The following ECT2L variants were observed in gnomAD, a reference collection of about 807,000 sequenced individuals.
ECT2L encodes epithelial cell transforming 2 like, also known as epithelial cell-transforming sequence 2 oncogene-like.
Under a neutral mutation model 122.8 loss-of-function variants are expected in ECT2L, and 126 were observed. The observed-to-expected ratio is 1.03, with a 90% confidence interval of 0.89 to 1.19. The LOEUF is 1.19. Among genes scored for constraint, ECT2L ranks in the 50% most tolerant of loss-of-function variants. The probability of loss-of-function intolerance (pLI) is 0.00; values close to 1 mark genes in which losing one functional copy is unlikely to be tolerated. For synonymous variants in ECT2L, 385 were observed against 381.8 expected (o/e 1.01, Z -0.10); for missense variants, 1,012 against 1,064.1 (o/e 0.95, Z 0.68).
chr6:138,827,747 C>T (rs575922065), intron 4 of ECT2L, among the ~76,000 whole-genome samples: 7 of 152,116 alleles, frequency 4.6e-5, no homozygotes, highest in East Asian at 3.9e-4. Context: ...TTAGTAGAGA[C>T]GGGGTTTCAC....
In ECT2L at chr6:138,838,368, T is replaced by C; in HGVS notation, c.196T>C (p.Phe66Leu). ...TCTTTTTAGGTTTGTCCAAGACTGG[T>C]TTTCAGAAAGGATGCAAGTGGCCAA... The part of the protein sequence containing the change: ...KSQLRFVQDW[F>L]SERMQVAKVD... The change falls in exon 5 of 22, where the codon TTT (phenylalanine) becomes CTT (leucine). Residue 66 changes from phenylalanine (F) to leucine (L), a missense_variant. Transcript: ENST00000541398. 6.2e-7 allele frequency: 1 copy of C among 1,604,256 alleles called. No individual in the cohort carries two copies. Among genetic ancestry groups the C allele is most frequent in the Admixed American group, 1.7e-5 (1 of 57,660 alleles).
intron 13 of ECT2L, among the ~76,000 whole-genome samples, chr6:138,871,377 T>C (rs1242543856): frequency 6.6e-6 from 1 of 152,200 alleles, no homozygotes; most frequent in African/African-American, 2.4e-5. Flanking sequence ...CCTGATATTC[T>C]GGAAGTATTT....
At chr6:138,846,178 A>C (rs1346972910) in intron 7 of ECT2L, among the ~76,000 whole-genome samples, 1 of 152,204 alleles carries the variant, frequency 6.6e-6, no homozygotes, top group African/African-American at 2.4e-5. Flanking sequence ...GACATTACTC[A>C]GGAACAACTG....
chr6:138,811,949 A>T (rs2128372691), intron 1 of ECT2L, among the ~76,000 whole-genome samples: 1 of 152,304 alleles, frequency 6.6e-6, no homozygotes, highest in East Asian at 1.9e-4. Context: ...TCAGCCTCCC[A>T]AAGTGCTGGG....
chr6:138,881,266 G>GCT, intron 15 of ECT2L, 95 bp downstream of exon 15: 1 of 1,237,888 alleles, frequency 8.1e-7, no homozygotes, highest in South Asian at 1.4e-5. Context: ...GTGCAATGAT[G>GCT]CTCTGACCCT....
intron 4 of ECT2L, among the ~76,000 whole-genome samples, chr6:138,827,907 T>C (rs1157852223): frequency 6.6e-6 from 1 of 150,928 alleles, no homozygotes; most frequent in Non-Finnish European, 1.5e-5. Context: ...TTTCTTACTT[T>C]AATATTCCAG....
intron 1 of ECT2L, among the ~76,000 whole-genome samples, chr6:138,797,964 TTTGA>T (rs1373682579): frequency 2.0e-5 from 3 of 152,190 alleles, no homozygotes; most frequent in African/African-American, 7.2e-5. Flanking sequence ...CCTCCTCCGG[TTTGA>T]TTAATTTGCT....
chr6:138,849,508 GAGGACTATCTC>G (rs1777356975), intron 9 of ECT2L, 74 bp downstream of exon 9: 2 of 1,445,978 alleles, frequency 1.4e-6, no homozygotes, highest in African/African-American at 1.4e-5. Flanking sequence ...GTGACTTCCG[GAGGACTATCTC>G]AGTTCCAAGT....
At chr6:138,870,164 T>G (rs533870512) in intron 13 of ECT2L, 2 of 152,778 alleles carry the variant, frequency 1.3e-5, no homozygotes, top group East Asian at 3.9e-4. Flanking sequence ...ATGGGCATTT[T>G]TCTTGCGGGG....
At chr6:138,871,007 G>A (rs1020387877) in intron 13 of ECT2L, among the ~76,000 whole-genome samples, 2 of 152,074 alleles carry the variant, frequency 1.3e-5, no homozygotes, top group African/African-American at 2.4e-5. Context: ...AGCCAAGATC[G>A]CACCACTTTA....
intron 13 of ECT2L, 146 bp downstream of exon 13, chr6:138,868,352 C>T (rs1778127208): frequency 1.6e-6 from 1 of 612,732 alleles, no homozygotes; most frequent in Non-Finnish European, 2.7e-6. Flanking sequence ...AAAATAGCCA[C>T]TAAGAGATTC....
At chr6:138,871,531 C>A (rs554186440) in intron 13 of ECT2L, among the ~76,000 whole-genome samples, 1 of 152,298 alleles carries the variant, frequency 6.6e-6, no homozygotes, top group East Asian at 1.9e-4. Context: ...CTTGGCCAGG[C>A]GCAGTGGCTC....
rs1016477029 is a variant in ECT2L at position 138,868,334 on chromosome 6, A to C, written c.1578+128A>C. On this transcript the variant is annotated intron_variant, in intron 13 of 21. Transcript: ENST00000541398. Reference sequence around the variant, plus strand: ...CACAGTTCCTCAGAGAAATTACATCAGTTTATAAAAATAGCCACTAAGAGA... The same window carrying C: ...CACAGTTCCTCAGAGAAATTACATCCGTTTATAAAAATAGCCACTAAGAGA... 4.2e-6 allele frequency: 3 copies of C among 713,122 alleles called. No individual in the cohort carries two copies. In the African/African-American group the frequency reaches 5.4e-5, roughly 13 times the overall value. The allele number at this position is 713,122 out of a possible 1,614,324, so 44.2% of individuals were successfully genotyped here. A position where few individuals can be genotyped will look rare whatever the true frequency, so the allele number is the denominator to read the frequency against.
chr6:138,837,403 A>C (rs1776878188), intron 4 of ECT2L, among the ~76,000 whole-genome samples: 2 of 152,106 alleles, frequency 1.3e-5, no homozygotes, highest in South Asian at 4.2e-4. Context: ...TCCTGTGGCC[A>C]CGCCAGGCTG....
At chr6:138,877,993 G>GT (rs1334157175) in intron 14 of ECT2L, among the ~76,000 whole-genome samples, 1 of 152,000 alleles carries the variant, frequency 6.6e-6, no homozygotes, top group Non-Finnish European at 1.5e-5. Context: ...TTTCTCTTAA[G>GT]TTTTTTTACA....
At chr6:138,884,242 G>A (rs931275383) in intron 16 of ECT2L, among the ~76,000 whole-genome samples, 4 of 152,158 alleles carry the variant, frequency 2.6e-5, no homozygotes, top group African/African-American at 9.7e-5. Flanking sequence ...TGAAATCAGT[G>A]AATATTTGAT....
chr6:138,824,197 T>C (rs1776353851), intron 4 of ECT2L, among the ~76,000 whole-genome samples: 1 of 151,746 alleles, frequency 6.6e-6, no homozygotes, highest in East Asian at 1.9e-4. Flanking sequence ...TATAGTATAA[T>C]TATGTAAGAT....
At chr6:138,847,549 T>C (rs1404874671) in intron 8 of ECT2L, among the ~76,000 whole-genome samples, 1 of 148,446 alleles carries the variant, frequency 6.7e-6, no homozygotes, top group African/African-American at 2.5e-5. Context: ...TTTTTTTTTT[T>C]TTTTTTTTTT....
chr6:138,879,770 T>C (rs1278062598), intron 14 of ECT2L, among the ~76,000 whole-genome samples: 2 of 151,992 alleles, frequency 1.3e-5, no homozygotes, highest in Non-Finnish European at 2.9e-5. Flanking sequence ...CTGGCCAACA[T>C]GGTGAAACCC....
Sources: gnomAD v4.1 joint callset for allele counts (sites outside exome capture counted in the v4.1 genomes callset) on GRCh38, gnomAD v4.1.1 for gene constraint, MANE v1.5 for transcripts, NCBI Gene and HGNC (gene_info 2026-07-23, HGNC 2026-07-21) for gene names.